Variants in KATNA1 observed in about 807,000 individuals in gnomAD.
KATNA1 encodes katanin catalytic subunit A1, also known as katanin p60 ATPase-containing subunit A1.
In KATNA1, 42 loss-of-function variants were observed where a neutral mutation model predicts 62.6. The ratio of observed to expected loss-of-function variants is 0.67; its 90% CI spans 0.52 to 0.87. KATNA1 has a LOEUF of 0.87. Among genes scored for constraint, KATNA1 ranks in the 40% least tolerant of loss-of-function variants. The pLI is 0.00. For missense variants in KATNA1, 498 were observed against 612.5 expected (o/e 0.81, Z 1.97); for synonymous variants, 186 against 201.9 (o/e 0.92, Z 0.67).
chr6:149,621,199 C>T (rs1276912162), intron 4 of KATNA1, among the ~76,000 whole-genome samples: 1 of 150,880 alleles, frequency 6.6e-6, no homozygotes, highest in Admixed American at 6.6e-5. Flanking sequence ...TCTTAGGTCA[C>T]TGCAAGCTCC....
chr6:149,613,788 G>A (rs575998790), intron 4 of KATNA1, among the ~76,000 whole-genome samples: 1 of 152,308 alleles, frequency 6.6e-6, no homozygotes, highest in East Asian at 1.9e-4. Context: ...CCCTCCAAAA[G>A]CAAGGTGTTG....
chr6:149,625,706 G>C (rs538575776), intron 3 of KATNA1, among the ~76,000 whole-genome samples: 6 of 152,226 alleles, frequency 3.9e-5, no homozygotes, highest in African/African-American at 1.4e-4. Flanking sequence ...GGCCGAGGCA[G>C]GTGGATCACC....
chr6:149,633,100 ATTTTTTT>A (rs368739065), intron 2 of KATNA1, among the ~76,000 whole-genome samples, 184 bp from the exon 3 acceptor site: 1 of 120,744 alleles, frequency 8.3e-6, no homozygotes, highest in African/African-American at 3.2e-5. Flanking sequence ...TTCAATTGCA[ATTTTTTT>A]TTTTTTTTTT....
At chr6:149,632,023 G>A (rs886664541) in intron 3 of KATNA1, among the ~76,000 whole-genome samples, 6 of 152,038 alleles carry the variant, frequency 3.9e-5, no homozygotes, top group African/African-American at 1.4e-4. Context: ...TTTCATTATA[G>A]CTTGATGAAA....
At chr6:149,646,528 G>C (rs1562307154) in intron 1 of KATNA1, among the ~76,000 whole-genome samples, 1 of 152,200 alleles carries the variant, frequency 6.6e-6, no homozygotes, top group Non-Finnish European at 1.5e-5. Flanking sequence ...GTCAGCCACT[G>C]ATGATTACGA....
At position 149,641,678 on chromosome 6, in the gene KATNA1, C is replaced by T. The variant is rs190013147; in HGVS notation, c.-13-3118G>A. ...TTTACCTACAATGCATCAAGACACA[C>T]ACCACATGATCAAGAAGGGTTTATC... is the stretch of plus-strand genomic sequence containing the variant. On this transcript the variant is annotated intron_variant, in intron 1 of 10. Coordinates refer to ENST00000367411, the MANE Select transcript of KATNA1 (RefSeq NM_007044.4). 2.0e-3 allele frequency among the ~76,000 whole-genome samples: 306 copies of T among 152,272 alleles called. 1 individual carries two copies. Among genetic ancestry groups the T allele is most frequent in the Non-Finnish European group, 3.3e-3 (225 of 68,018 alleles).
chr6:149,610,690 G>A (rs1377183564), intron 4 of KATNA1, among the ~76,000 whole-genome samples: 6 of 152,130 alleles, frequency 3.9e-5, no homozygotes, highest in Non-Finnish European at 8.8e-5. Context: ...AAATTTCTGG[G>A]ACACAGTTAA....
At chr6:149,645,910 A>T (rs1780469416) in intron 1 of KATNA1, among the ~76,000 whole-genome samples, 1 of 152,170 alleles carries the variant, frequency 6.6e-6, no homozygotes, top group South Asian at 2.1e-4. Context: ...AGGAAAAAGA[A>T]GTGATCACAG....
chr6:149,643,385 GTTGTT>G (rs1256335320), intron 1 of KATNA1, among the ~76,000 whole-genome samples: 1 of 152,174 alleles, frequency 6.6e-6, no homozygotes, highest in Admixed American at 6.5e-5. Flanking sequence ...AAAAATGTCT[GTTGTT>G]TTAAGTCACC....
At chr6:149,646,867 T>C (rs1170058126) in intron 1 of KATNA1, among the ~76,000 whole-genome samples, 1 of 152,214 alleles carries the variant, frequency 6.6e-6, no homozygotes, top group Non-Finnish European at 1.5e-5. Flanking sequence ...GTGATAATAC[T>C]ATCTTTTTTA....
intron 4 of KATNA1, among the ~76,000 whole-genome samples, chr6:149,615,148 A>C (rs1383162370): frequency 4.0e-5 from 6 of 150,820 alleles, no homozygotes; most frequent in Non-Finnish European, 8.9e-5. Flanking sequence ...AAAAAAAAAA[A>C]AAAAAAACAA....
At chr6:149,636,647 A>ATTT (rs569870973) in intron 2 of KATNA1, among the ~76,000 whole-genome samples, 3 of 147,230 alleles carry the variant, frequency 2.0e-5, no homozygotes, top group African/African-American at 7.5e-5. Context: ...TATTACTTTC[A>ATTT]TTTTTTTTTT....
chr6:149,601,533 C>T (rs1721478803), intron 7 of KATNA1, 61 bp downstream of exon 7: 1 of 1,425,602 alleles, frequency 7.0e-7, no homozygotes. Context: ...GAGATAGTTA[C>T]AGCTCACTTT....
At position 149,623,708 on chromosome 6, in the gene KATNA1, A is replaced by G. The variant is rs144873233; in HGVS notation, c.321-425T>C. ...AGCCAAGATCATGCCACTGTACTCT[A>G]TCCTGGGCAACAGAACGAGACTCCG... is the stretch of plus-strand genomic sequence containing the variant. On this transcript the variant is annotated intron_variant, in intron 3 of 10. Coordinates refer to ENST00000367411, the MANE Select transcript of KATNA1 (RefSeq NM_007044.4). Among the ~76,000 whole-genome samples, 193 of 152,244 alleles carry G rather than the reference A, an allele frequency of 1.3e-3. 1 individual carries two copies. The highest frequency in any genetic ancestry group is 4.4e-3 in the African/African-American group (183 of 41,546).
intron 4 of KATNA1, among the ~76,000 whole-genome samples, chr6:149,608,725 G>A (rs1308956858): frequency 6.6e-6 from 1 of 152,172 alleles, no homozygotes; most frequent in Non-Finnish European, 1.5e-5. Flanking sequence ...ACAGTCACTG[G>A]ACATCATAGA....
At chr6:149,626,292 C>CTGTTTTTTTTTTT (rs1779604312) in intron 3 of KATNA1, among the ~76,000 whole-genome samples, 1 of 88,748 alleles carries the variant, frequency 1.1e-5, no homozygotes, top group African/African-American at 5.3e-5. Context: ...ATAACATTTA[C>CTGTTTTTTTTTTT]TTTTTTTTTT....
At chr6:149,596,298 G>C (rs923323833) in intron 10 of KATNA1, among the ~76,000 whole-genome samples, 1 of 152,178 alleles carries the variant, frequency 6.6e-6, no homozygotes, top group African/African-American at 2.4e-5. Flanking sequence ...ATTTTGGGAG[G>C]CTGAGGCAGG....
chr6:149,603,264 T>G lies in KATNA1; in HGVS notation c.729+4A>C. The G allele has an allele frequency of 1.5e-6, 2 of 1,372,336 alleles. No individual in the cohort carries two copies. The highest frequency in any genetic ancestry group is 2.0e-6 in the Non-Finnish European group (2 of 978,050). The allele number at this position is 1,372,336 out of a possible 1,614,324, so 85.0% of individuals were successfully genotyped here. On this transcript the variant is annotated splice_donor_region_variant and intron_variant, in intron 6 of 10. Coordinates refer to ENST00000367411, the MANE Select transcript of KATNA1 (RefSeq NM_007044.4). The stretch of plus-strand genomic sequence containing the variant: ...TGACAATGCCATCACAGTAATAAAC[T>G]TACTTTCCATGGTCTCCTAATGCCC...
chr6:149,601,570 A>T (rs763451779), intron 7 of KATNA1, 24 bp downstream of exon 7: 3 of 1,578,666 alleles, frequency 1.9e-6, no homozygotes, highest in African/African-American at 1.4e-5. Flanking sequence ...GTAAAGAATC[A>T]TTAGAGCTGT....
Sources: gnomAD v4.1 joint callset for allele counts (sites outside exome capture counted in the v4.1 genomes callset) on GRCh38, gnomAD v4.1.1 for gene constraint, MANE v1.5 for transcripts, NCBI Gene and HGNC (gene_info 2026-07-23, HGNC 2026-07-21) for gene names.